Variants in PTPRT observed in about 807,000 individuals in gnomAD.
PTPRT encodes the protein protein tyrosine phosphatase receptor type T.
In PTPRT, 56 loss-of-function variants were observed where a neutral mutation model predicts 176.8. The ratio of observed to expected loss-of-function variants is 0.32; its 90% CI spans 0.26 to 0.40. The LOEUF (loss-of-function observed/expected upper bound fraction) is 0.40. Ranked by LOEUF, PTPRT falls within the 10% of genes least tolerant of loss-of-function variation. PTPRT has a pLI of 1.00. For missense variants in PTPRT, 1,540 were observed against 1,908.2 expected, an observed-to-expected ratio of 0.81 and a Z score of 3.60; for synonymous variants, 783 against 739.0, an observed-to-expected ratio of 1.06 and a Z score of -0.96.
At chr20:42,783,936 C>T (rs921823624) in intron 3 of PTPRT, among the ~76,000 whole-genome samples, 1 of 152,042 alleles carries the variant, frequency 6.6e-6, no homozygotes, top group Non-Finnish European at 1.5e-5. Flanking sequence ...AAATGGAGGC[C>T]GAGACCCTGA....
At chr20:42,905,834 G>T (rs1022521644) in intron 1 of PTPRT, among the ~76,000 whole-genome samples, 13 of 146,468 alleles carry the variant, frequency 8.9e-5, no homozygotes, top group Admixed American at 1.4e-4. Context: ...ACCAAACACC[G>T]CATACTCTCA....
intron 9 of PTPRT, among the ~76,000 whole-genome samples, chr20:42,385,819 C>A (rs533207800): frequency 1.3e-5 from 2 of 152,102 alleles, no homozygotes; most frequent in African/African-American, 2.4e-5. Flanking sequence ...GGAGAAACCA[C>A]CCCCACGATT....
intron 1 of PTPRT, among the ~76,000 whole-genome samples, chr20:42,920,140 G>T (rs191487921): frequency 1.3e-5 from 2 of 152,338 alleles, no homozygotes; most frequent in Middle Eastern, 3.4e-3. Flanking sequence ...TAAAGTGAAT[G>T]AGTTGAGTCA....
At chr20:42,068,965 A>C (rs1982201589), downstream of PTPRT, among the ~76,000 whole-genome samples, 1 of 152,210 alleles carries the variant, frequency 6.6e-6, no homozygotes, top group Non-Finnish European at 1.5e-5. Context: ...ATCATTCAAA[A>C]GGAGATACTA....
intron 17 of PTPRT, among the ~76,000 whole-genome samples, chr20:42,143,884 G>C (rs1394719549): frequency 6.6e-6 from 1 of 152,340 alleles, no homozygotes; most frequent in East Asian, 1.9e-4. Flanking sequence ...TCATGCCTTA[G>C]AGTTATCCCA....
chr20:42,896,506 A>G (rs1015950022), intron 1 of PTPRT, among the ~76,000 whole-genome samples: 32 of 151,986 alleles, frequency 2.1e-4, no homozygotes, highest in African/African-American at 7.2e-4. Flanking sequence ...GTGGTGGCGC[A>G]TGCCTGTAAT....
chr20:42,598,861 C>T (rs541621075), intron 7 of PTPRT, among the ~76,000 whole-genome samples: 18 of 152,306 alleles, frequency 1.2e-4, no homozygotes, highest in Non-Finnish European at 2.4e-4. Context: ...CAGCACCCCT[C>T]GTTCACCTCT....
At chr20:42,792,977 T>C (rs1337588897) in intron 2 of PTPRT, among the ~76,000 whole-genome samples, 1 of 152,220 alleles carries the variant, frequency 6.6e-6, no homozygotes, top group African/African-American at 2.4e-5. Context: ...TTAGACTTTC[T>C]GCATGTTTCC....
intron 7 of PTPRT, among the ~76,000 whole-genome samples, chr20:42,668,523 T>C (rs1600578514): frequency 1.3e-5 from 2 of 152,186 alleles, no homozygotes; most frequent in Non-Finnish European, 2.9e-5. Flanking sequence ...TTATGAATTA[T>C]AGGTTTAAAG....
chr20:42,456,758 C>T (rs1178889456), intron 8 of PTPRT, among the ~76,000 whole-genome samples: 1 of 152,018 alleles, frequency 6.6e-6, no homozygotes, highest in Non-Finnish European at 1.5e-5. Flanking sequence ...TAGGTATTTG[C>T]ATACATTTTT....
intron 13 of PTPRT, among the ~76,000 whole-genome samples, chr20:42,265,891 T>C (rs968747588): frequency 2.0e-5 from 3 of 152,134 alleles, no homozygotes; most frequent in Admixed American, 6.5e-5. Context: ...AAAGTTGCTT[T>C]AAGGACAGTT....
intron 1 of PTPRT, among the ~76,000 whole-genome samples, chr20:43,181,429 GGGACCTGACTCT>G (rs1568830562): frequency 1.3e-5 from 2 of 152,098 alleles, no homozygotes; most frequent in Admixed American, 1.3e-4. Flanking sequence ...ATGGACAGCC[GGGACCTGACTCT>G]GGACCTGACA....
Position 42,429,585 on chromosome 20 carries a change from C to T in PTPRT, c.1560+18635G>A, listed in dbSNP as rs944622708. Among the ~76,000 whole-genome samples, 60 of 152,252 alleles carry T rather than the reference C, an allele frequency of 3.9e-4. 1 individual carries two copies. The highest frequency in any genetic ancestry group is 2.4e-5 in the African/African-American group (1 of 41,542). ...ATGTCTGAGACTCAATCTCCTGTGC[C>T]AGGGCACAGGCAGAGAAAGGTGGAG... On this transcript the variant is annotated intron_variant, in intron 9 of 30. Coordinates refer to ENST00000373187, the MANE Select transcript of PTPRT (RefSeq NM_007050.6).
intron 9 of PTPRT, among the ~76,000 whole-genome samples, chr20:42,394,343 T>C (rs1485316788): frequency 6.6e-6 from 1 of 152,300 alleles, no homozygotes; most frequent in Non-Finnish European, 1.5e-5. Flanking sequence ...GGTTAACCTA[T>C]GGGCATGGGA....
chr20:42,626,690 C>T (rs1434641314), intron 7 of PTPRT, among the ~76,000 whole-genome samples: 1 of 152,126 alleles, frequency 6.6e-6, no homozygotes, highest in East Asian at 1.9e-4. Context: ...AGAAACGGGC[C>T]CCCTGGGAGT....
the PTPRT span, among the ~76,000 whole-genome samples, chr20:42,036,177 T>G: frequency 6.6e-6 from 1 of 152,198 alleles, no homozygotes; most frequent in Non-Finnish European, 1.5e-5. Flanking sequence ...GGCTTGTTCC[T>G]GGGCTGCTAA....
chr20:43,030,032 T>G (rs1184691842), intron 1 of PTPRT, among the ~76,000 whole-genome samples: 1 of 152,212 alleles, frequency 6.6e-6, no homozygotes, highest in African/African-American at 2.4e-5. Context: ...GAACATTTAT[T>G]TTCAGAGGTT....
intron 15 of PTPRT, 109 bp from the exon 16 acceptor site, chr20:42,199,497 G>T: frequency 7.9e-7 from 1 of 1,263,138 alleles, no homozygotes; most frequent in Non-Finnish European, 1.1e-6. Flanking sequence ...CCCAAATCTG[G>T]TTCATTCTCC....
chr20:42,177,777 A>G (rs889701393), intron 16 of PTPRT, among the ~76,000 whole-genome samples: 8 of 152,084 alleles, frequency 5.3e-5, no homozygotes, highest in Non-Finnish European at 7.4e-5. Flanking sequence ...AAGAATGGTA[A>G]GTTTGACCCA....
Sources: allele counts gnomAD v4.1 joint callset (sites outside exome capture counted in the v4.1 genomes callset), GRCh38; gene constraint gnomAD v4.1.1; transcripts MANE v1.5; gene names NCBI Gene and HGNC (gene_info 2026-07-23, HGNC 2026-07-21).